The following VWA3B variants were observed in gnomAD, a reference collection of about 807,000 sequenced individuals.
The protein encoded by VWA3B is von Willebrand factor A domain containing 3B.
VWA3B carries 138 observed loss-of-function variants against 158.3 expected under a neutral mutation model. The ratio of observed to expected loss-of-function variants is 0.87; its 90% CI spans 0.76 to 1.00. The LOEUF is 1.00. Ranked by LOEUF, VWA3B falls within the 50% of genes least tolerant of loss-of-function variation. The pLI is 0.00. For missense variants in VWA3B, 1,555 were observed against 1,565.1 expected, an observed-to-expected ratio of 0.99 and a Z score of 0.11; for synonymous variants, 596 against 587.3, an observed-to-expected ratio of 1.01 and a Z score of -0.21.
At chr2:98,095,913 G>A (rs1318635779) in intron 2 of VWA3B, among the ~76,000 whole-genome samples, 1 of 152,156 alleles carries the variant, frequency 6.6e-6, no homozygotes, top group Non-Finnish European at 1.5e-5. Context: ...TTAATATGAT[G>A]TATCCCATTT....
intron 1 of VWA3B, among the ~76,000 whole-genome samples, chr2:98,091,857 A>T (rs1682316680): frequency 6.6e-6 from 1 of 152,242 alleles, no homozygotes; most frequent in African/African-American, 2.4e-5. Flanking sequence ...TGGATACAGA[A>T]GTAAGCAGAA....
intron 21 of VWA3B, among the ~76,000 whole-genome samples, chr2:98,258,807 T>G (rs1169077148): frequency 2.0e-5 from 3 of 151,860 alleles, no homozygotes; most frequent in African/African-American, 7.2e-5. Flanking sequence ...TCTTTCTAAT[T>G]TGGATGCCTT....
chr2:98,201,101 G>A (rs994412794), intron 12 of VWA3B, among the ~76,000 whole-genome samples: 11 of 152,082 alleles, frequency 7.2e-5, no homozygotes, highest in African/African-American at 2.7e-4. Flanking sequence ...TTTTTTGGCT[G>A]TTATATAGTT....
chr2:98,180,029 TTC>T (rs1184482354), intron 8 of VWA3B, among the ~76,000 whole-genome samples: 2 of 144,922 alleles, frequency 1.4e-5, no homozygotes, highest in Non-Finnish European at 3.0e-5. Flanking sequence ...TTTTTCTTTC[TTC>T]TCTCTCTCCT....
At chr2:98,159,469 A>G (rs796469707) in intron 7 of VWA3B, among the ~76,000 whole-genome samples, 37 of 152,050 alleles carry the variant, frequency 2.4e-4, no homozygotes, top group African/African-American at 8.0e-4. Context: ...GGCTGGTCTC[A>G]AACACCAGAC....
chr2:98,225,705 C>CAAAAA (rs748819147), intron 14 of VWA3B, among the ~76,000 whole-genome samples: 1 of 105,636 alleles, frequency 9.5e-6, no homozygotes, highest in Non-Finnish European at 1.9e-5. Context: ...AGGAGATCTA[C>CAAAAA]AAAAAAAAAA....
chr2:98,207,701 G>C, intron 12 of VWA3B: 1 of 412,618 alleles, frequency 2.4e-6, no homozygotes, highest in Non-Finnish European at 4.7e-6. Flanking sequence ...TTTGGCAGAA[G>C]CTGATACGCT....
At chr2:98,175,175 C>CTGTCCATGAGGGAAT (rs1329052426) in intron 8 of VWA3B, among the ~76,000 whole-genome samples, 1 of 152,138 alleles carries the variant, frequency 6.6e-6, no homozygotes, top group African/African-American at 2.4e-5. Flanking sequence ...TCCATAGGAA[C>CTGTCCATGAGGGAAT]TGTCCATGAG....
intron 16 of VWA3B, among the ~76,000 whole-genome samples, chr2:98,231,562 G>C (rs1364055979): frequency 6.6e-6 from 1 of 152,106 alleles, no homozygotes; most frequent in African/African-American, 2.4e-5. Flanking sequence ...AAAAGGAAAA[G>C]AAACTTGACC....
At chr2:98,164,830 T>C (rs1678932787) in intron 8 of VWA3B, among the ~76,000 whole-genome samples, 1 of 152,190 alleles carries the variant, frequency 6.6e-6, no homozygotes, top group South Asian at 2.1e-4. Context: ...CTACACAAAA[T>C]ATTTTCTCCC....
chr2:98,129,747 T>C (rs11677188), intron 6 of VWA3B, among the ~76,000 whole-genome samples: 96,820 of 152,136 alleles, frequency 0.64, 32,716 homozygotes, highest in African/African-American at 0.86. Flanking sequence ...TGGAGAAAGA[T>C]CAGCTACTTC....
chr2:98,144,164 T>C (rs1372684556), intron 7 of VWA3B, among the ~76,000 whole-genome samples: 1 of 152,184 alleles, frequency 6.6e-6, no homozygotes, highest in Non-Finnish European at 1.5e-5. Context: ...TGGATGGATA[T>C]ATATGTATGT....
intron 2 of VWA3B, among the ~76,000 whole-genome samples, chr2:98,100,911 G>A (rs1323783927): frequency 2.0e-5 from 3 of 152,134 alleles, no homozygotes; most frequent in Non-Finnish European, 2.9e-5. Flanking sequence ...AGGTATTTTT[G>A]TGTGTAGACA....
intron 6 of VWA3B, among the ~76,000 whole-genome samples, chr2:98,132,988 G>A (rs1675995168): frequency 1.3e-5 from 2 of 152,154 alleles, no homozygotes; most frequent in Admixed American, 6.5e-5. Context: ...AGGCAGAGAC[G>A]GAACTCCTGC....
At chr2:98,177,574 T>C (rs1680113860) in intron 8 of VWA3B, among the ~76,000 whole-genome samples, 1 of 152,162 alleles carries the variant, frequency 6.6e-6, no homozygotes, top group Non-Finnish European at 1.5e-5. Context: ...CTTTTTTTTT[T>C]TCTCCTTTCT....
At chr2:98,196,299 G>A (rs1682033238) in intron 12 of VWA3B, among the ~76,000 whole-genome samples, 2 of 152,060 alleles carry the variant, frequency 1.3e-5, no homozygotes. Flanking sequence ...AATATGTCAG[G>A]TGACAGATTT....
chr2:98,159,952 G>A (rs1179100319), intron 7 of VWA3B, among the ~76,000 whole-genome samples: 1 of 151,488 alleles, frequency 6.6e-6, no homozygotes. Context: ...AGAGGTTGCA[G>A]TGAGCCTAGA....
intron 23 of VWA3B, among the ~76,000 whole-genome samples, chr2:98,295,161 G>A (rs951598648): frequency 7.2e-5 from 11 of 152,076 alleles, no homozygotes; most frequent in African/African-American, 2.4e-4. Flanking sequence ...AAGCGGACAC[G>A]AGGACTGTGA....
At chr2:98,268,326 A>G (rs1426244607) in intron 21 of VWA3B, among the ~76,000 whole-genome samples, 3 of 152,180 alleles carry the variant, frequency 2.0e-5, no homozygotes, top group East Asian at 3.9e-4. Context: ...GCAGCACATC[A>G]AAAAGCTTAT....
Sources: gnomAD v4.1 joint callset for allele counts (sites outside exome capture counted in the v4.1 genomes callset) on GRCh38, gnomAD v4.1.1 for gene constraint, MANE v1.5 for transcripts, NCBI Gene and HGNC (gene_info 2026-07-23, HGNC 2026-07-21) for gene names.